PFN1: variants seen among roughly 807,000 people sequenced by gnomAD.
PFN1 encodes the protein profilin-1.
A neutral mutation model predicts 11.7 loss-of-function variants in PFN1; 2 were observed. The observed-to-expected ratio is 0.17, with a 90% CI of 0.07 to 0.54. The LOEUF (loss-of-function observed/expected upper bound fraction) is 0.54. Ranked by LOEUF, PFN1 falls within the 20% of genes least tolerant of loss-of-function variation. The pLI is 0.94. For missense variants in PFN1, 97 were observed against 188.4 expected (o/e 0.51, Z 2.84); for synonymous variants, 78 against 76.2 (o/e 1.02, Z -0.12).
chr17:4,946,273 G>A (rs954112525), intron 2 of PFN1, among the ~76,000 whole-genome samples: 2 of 152,168 alleles, frequency 1.3e-5, no homozygotes, highest in South Asian at 2.1e-4. Context: ...GGCTAGAAAG[G>A]GCTGTGGATG....
rs992891665 is a variant in PFN1 at position 4,945,698 on chromosome 17, C to CA, written c.*201dup. 7.8e-5 allele frequency: 36 copies of CA among 461,138 alleles called. No individual in the cohort carries two copies. Among genetic ancestry groups the CA allele is most frequent in the Non-Finnish European group, 1.3e-4 (33 of 255,140 alleles). 28.6% of individuals were successfully genotyped at this position (461,138 alleles called of 1,614,324 possible). On this transcript the variant is annotated 3_prime_UTR_variant, in exon 3 of 3. Transcript: ENST00000225655. The stretch of plus-strand genomic sequence containing the variant: ...TTCAGAAAAAAAAAACCCCAAAAAA[C>CA]AAAAGTTTTCCAACCACACACGGGA...
chr17:4,946,956 CACATCAATGAA>C, intron 1 of PFN1, 136 bp from the exon 2 acceptor site: 1 of 624,638 alleles, frequency 1.6e-6, no homozygotes, highest in South Asian at 2.1e-5. Flanking sequence ...ATACTCAGTA[CACATCAATGAA>C]CTGTGAGAAA....
chr17:4,947,052 G>A (rs1971413286), intron 1 of PFN1: 3 of 440,388 alleles, frequency 6.8e-6, no homozygotes, highest in Admixed American at 4.1e-5. Flanking sequence ...CAGGGAGGAA[G>A]GGATGACATA....
chr17:4,946,237 T>C (rs915704069), intron 2 of PFN1, among the ~76,000 whole-genome samples: 1 of 151,672 alleles, frequency 6.6e-6, no homozygotes, highest in Non-Finnish European at 1.5e-5. Flanking sequence ...GGTCAAAGGC[T>C]CATAGACTGT....
At chr17:4,948,124 G>T in intron 1 of PFN1, 139 bp downstream of exon 1, 1 of 991,944 alleles carries the variant, frequency 1.0e-6, no homozygotes, top group Non-Finnish European at 1.4e-6. Context: ...ACGTGCAGCC[G>T]CCATTCGCGC....
rs1002369755 is a variant in PFN1 at position 4,945,954 on chromosome 17, C to G, written c.369G>C (p.Leu123Phe). The G allele has an allele frequency of 1.4e-5, 23 of 1,613,616 alleles. No homozygotes were observed. Among genetic ancestry groups the G allele is most frequent in the East Asian group, 1.1e-4 (5 of 44,888 alleles). The change falls in exon 3 of 3, where the codon TTG becomes TTC. Residue 123 changes from leucine to phenylalanine, a missense_variant. Leu to Phe is a conservative substitution (Grantham distance 22). Transcript: ENST00000225655. ...LMGKEGVHGG[L>F]INKKCYEMAS... ...CCATTTCATAACATTTCTTGTTGAT[C>G]AAACCACCGTGGACACCTTCTTTGC...
chr17:4,948,237 C>A (rs1971449953), intron 1 of PFN1, 26 bp downstream of exon 1: 3 of 1,588,558 alleles, frequency 1.9e-6, no homozygotes, highest in Admixed American at 3.5e-5. Flanking sequence ...GGAGCAGTGC[C>A]CCGGACCGCG....
intron 2 of PFN1, 105 bp downstream of exon 2, chr17:4,946,523 T>C (rs1971399199): frequency 2.4e-6 from 2 of 831,130 alleles, no homozygotes; most frequent in East Asian, 5.0e-5. Context: ...CTGGTCTGAC[T>C]CCCTTCATGT....
In PFN1 at chr17:4,946,707, C is replaced by T. The variant is rs1971405241; in HGVS notation, c.246G>A (p.Gly82=). 1.2e-6 allele frequency: 2 copies of T among 1,614,072 alleles called. No homozygotes were observed. The highest frequency in any genetic ancestry group is 1.7e-6 in the Non-Finnish European group (2 of 1,179,986). The part of the protein sequence containing the change: ...SVIRDSLLQD[G]EFSMDLRTKS... ...TGGTACGAAGATCCATGCTAAATTC[C>T]CCATCCTGCAGCAGTGAGTCCCGGA... Residue 82 remains glycine (G), a synonymous_variant, in exon 2 of 3, where the codon GGG becomes GGA. Coordinates refer to ENST00000225655, the MANE Select transcript of PFN1 (RefSeq NM_005022.4).
Position 4,945,676 on chromosome 17 carries a change from AG to A in PFN1, c.*223del. On this transcript the variant is annotated 3_prime_UTR_variant, in exon 3 of 3. Coordinates refer to ENST00000225655, the MANE Select transcript of PFN1 (RefSeq NM_005022.4). ...CTTGTTAGTAGAATCTTTTTTATTC[AG>A]AAAAAAAAAACCCCAAAAAACAAAA... 1 of 452,974 alleles carries A rather than the reference AG, an allele frequency of 2.2e-6. No homozygotes were observed. The highest frequency in any genetic ancestry group is 4.0e-6 in the Non-Finnish European group (1 of 250,498). 28.1% of individuals were successfully genotyped at this position (452,974 alleles called of 1,614,324 possible).
intron 1 of PFN1, chr17:4,948,062 T>G: frequency 2.0e-6 from 1 of 506,662 alleles, no homozygotes; most frequent in East Asian, 3.6e-5. Flanking sequence ...GCGGGCGGGA[T>G]GGGCGCCGCC....
intron 1 of PFN1, 32 bp downstream of exon 1, chr17:4,948,231 C>A: frequency 6.3e-7 from 1 of 1,576,228 alleles, no homozygotes; most frequent in Non-Finnish European, 8.6e-7. Flanking sequence ...CAAACCGGAG[C>A]AGTGCCCCGG....
chr17:4,946,118 GC>G, intron 2 of PFN1, 121 bp from the exon 3 acceptor site: 5 of 527,176 alleles, frequency 9.5e-6, no homozygotes, highest in Middle Eastern at 2.9e-4. Flanking sequence ...CTCCCAACCC[GC>G]CCCCCCACCA....
intron 2 of PFN1, 123 bp from the exon 3 acceptor site, chr17:4,946,120 C>T (rs1452970776): frequency 7.6e-6 from 5 of 659,880 alleles, no homozygotes; most frequent in East Asian, 2.7e-5. Context: ...CCCAACCCGC[C>T]CCCCCACCAC....
Position 4,948,524 on chromosome 17 carries a change from T to C in PFN1, c.-130A>G. ...GCTGCCGTCCGGACCGCGGCTCCGC[T>C]CGCTGTGCAGCAGCCCTCGCACCGC... On this transcript the variant is annotated 5_prime_UTR_variant, in exon 1 of 3. Coordinates refer to ENST00000225655, the MANE Select transcript of PFN1 (RefSeq NM_005022.4). The C allele has an allele frequency of 9.5e-7, 1 of 1,050,768 alleles. No individual in the cohort carries two copies. The highest frequency in any genetic ancestry group is 1.3e-6 in the Non-Finnish European group (1 of 777,048). The allele number at this position is 1,050,768 out of a possible 1,614,324, so 65.1% of individuals were successfully genotyped here. A position where few individuals can be genotyped will look rare whatever the true frequency, so the allele number is the denominator to read the frequency against.
At chr17:4,946,553 G>C in intron 2 of PFN1, 75 bp downstream of exon 2, 3 of 1,259,164 alleles carry the variant, frequency 2.4e-6, no homozygotes, top group Non-Finnish European at 3.3e-6. Context: ...ACACAAAAAA[G>C]CACCCTCAAG....
In PFN1 at chr17:4,945,743, G is replaced by A; in HGVS notation, c.*157C>T. 1.7e-6 allele frequency: 1 copy of A among 574,664 alleles called. No individual in the cohort carries two copies. Among genetic ancestry groups the A allele is most frequent in the South Asian group, 2.3e-5 (1 of 44,332 alleles). 35.6% of individuals were successfully genotyped at this position (574,664 alleles called of 1,614,324 possible). A position where few individuals can be genotyped will look rare whatever the true frequency, so the allele number is the denominator to read the frequency against. Reference sequence around the variant, plus strand: ...ACGGGAGGGATATGGGTAGGGGGAGGTGTCTGTCCATCCAGCCCTGGCCCC... The same window carrying A: ...ACGGGAGGGATATGGGTAGGGGGAGATGTCTGTCCATCCAGCCCTGGCCCC... On this transcript the variant is annotated 3_prime_UTR_variant, in exon 3 of 3. Coordinates refer to ENST00000225655, the MANE Select transcript of PFN1 (RefSeq NM_005022.4).
chr17:4,947,990 G>A (rs1335770694), intron 1 of PFN1: 3 of 366,602 alleles, frequency 8.2e-6, no homozygotes, highest in Non-Finnish European at 1.5e-5. Flanking sequence ...CGCCGCACCG[G>A]GCGCCGCGCC....
At chr17:4,948,045 C>A in intron 1 of PFN1, 1 of 477,830 alleles carries the variant, frequency 2.1e-6, no homozygotes. Flanking sequence ...TCGCGGAAAG[C>A]GGGGTAGCGG....
Sources: gnomAD v4.1 joint callset for allele counts (sites outside exome capture counted in the v4.1 genomes callset) on GRCh38, gnomAD v4.1.1 for gene constraint, MANE v1.5 for transcripts, NCBI Gene and HGNC (gene_info 2026-07-23, HGNC 2026-07-21) for gene names.